Variants in MPPED2 observed in about 807,000 individuals in gnomAD.
MPPED2 encodes the protein metallophosphoesterase domain containing 2.
A neutral mutation model predicts 33.0 loss-of-function variants in MPPED2; 5 were observed. The ratio of observed to expected loss-of-function variants is 0.15; its 90% CI spans 0.08 to 0.32. The LOEUF (loss-of-function observed/expected upper bound fraction) is 0.32, where lower values mean the gene tolerates loss of function less well. MPPED2 is among the 10% of genes least tolerant of loss of function. The probability of loss-of-function intolerance (pLI) is 1.00; values close to 1 mark genes in which losing one functional copy is unlikely to be tolerated. For synonymous variants in MPPED2, 136 were observed against 141.9 expected (o/e 0.96, Z 0.29); for missense variants, 275 against 372.1 (o/e 0.74, Z 2.15).
At chr11:30,543,597 C>A (rs490445) in intron 2 of MPPED2, among the ~76,000 whole-genome samples, 1 of 151,880 alleles carries the variant, frequency 6.6e-6, no homozygotes, top group African/African-American at 2.4e-5. Flanking sequence ...ATGCCATCCA[C>A]ATCCATCCAC....
intron 2 of MPPED2, among the ~76,000 whole-genome samples, chr11:30,577,186 A>T (rs938338072): frequency 1.1e-4 from 16 of 152,220 alleles, no homozygotes; most frequent in African/African-American, 3.9e-4. Context: ...ACAGATGAGT[A>T]AACTGAGACT....
chr11:30,546,143 T>C (rs1342762144), intron 2 of MPPED2, among the ~76,000 whole-genome samples: 2 of 152,170 alleles, frequency 1.3e-5, no homozygotes, highest in Non-Finnish European at 2.9e-5. Context: ...AAAAAGTAAG[T>C]TTATCAATTC....
In MPPED2 at chr11:30,550,153, G is replaced by A. The variant is rs540125320; in HGVS notation, c.129-13978C>T. ...AAATTTGATTAGCACTGGGGCTGGC[G>A]CTGTTCCGTGGAGGCAATGTGATTC... On this transcript the variant is annotated intron_variant, in intron 2 of 6. Coordinates refer to ENST00000358117, the MANE Select transcript of MPPED2 (RefSeq NM_001584.3). Among the ~76,000 whole-genome samples, 20 of 152,282 alleles carry A rather than the reference G, an allele frequency of 1.3e-4. No homozygotes were observed. In the South Asian group the frequency reaches 1.7e-3, roughly 13 times the overall value.
At chr11:30,413,573 GGACCA>G (rs1160693280) in intron 6 of MPPED2, among the ~76,000 whole-genome samples, 6 of 152,296 alleles carry the variant, frequency 3.9e-5, no homozygotes, top group African/African-American at 1.4e-4. Flanking sequence ...AATGGCAACT[GGACCA>G]GTTCCTATTT....
chr11:30,388,530 AGGC>A, exon 7 of MPPED2: 1 of 165,580 alleles, frequency 6.0e-6, no homozygotes, highest in Non-Finnish European at 1.3e-5. Context: ...GGGGATGCCG[AGGC>A]TTAGAGAAGG....
chr11:30,532,702 T>A (rs1954594652), intron 3 of MPPED2, among the ~76,000 whole-genome samples: 1 of 152,234 alleles, frequency 6.6e-6, no homozygotes, highest in South Asian at 2.1e-4. Context: ...TCTTCCCAGT[T>A]GCTCATAATC....
chr11:30,518,901 A>G (rs1590684133), intron 3 of MPPED2, among the ~76,000 whole-genome samples: 1 of 152,244 alleles, frequency 6.6e-6, no homozygotes, highest in Admixed American at 6.5e-5. Context: ...GTTTCTATCT[A>G]TTTTTATAGG....
At chr11:30,389,621 A>G (rs1947746081) in intron 6 of MPPED2, among the ~76,000 whole-genome samples, 1 of 152,216 alleles carries the variant, frequency 6.6e-6, no homozygotes, top group African/African-American at 2.4e-5. Context: ...ATAATCCTGA[A>G]TGGCTTCATT....
At chr11:30,554,633 T>C (rs1200200380) in intron 2 of MPPED2, among the ~76,000 whole-genome samples, 1 of 152,000 alleles carries the variant, frequency 6.6e-6, no homozygotes, top group Non-Finnish European at 1.5e-5. Context: ...TAGCTGGGAT[T>C]ACAGGGGCCT....
intron 4 of MPPED2, among the ~76,000 whole-genome samples, chr11:30,422,872 C>T (rs959979003): frequency 7.9e-5 from 12 of 152,080 alleles, no homozygotes; most frequent in African/African-American, 2.7e-4. Flanking sequence ...CTGCCTGAAG[C>T]CACTGGACCA....
At chr11:30,534,810 G>A (rs763196160) in intron 3 of MPPED2, among the ~76,000 whole-genome samples, 4 of 152,058 alleles carry the variant, frequency 2.6e-5, no homozygotes, top group Non-Finnish European at 5.9e-5. Context: ...GCTACCAGAG[G>A]AAAAATTGTT....
At chr11:30,426,805 C>A (rs1948858278) in intron 4 of MPPED2, among the ~76,000 whole-genome samples, 1 of 152,112 alleles carries the variant, frequency 6.6e-6, no homozygotes, top group Non-Finnish European at 1.5e-5. Context: ...GCAGACAGGC[C>A]CTGAGGCCAG....
At chr11:30,483,682 T>A (rs1951595773) in intron 4 of MPPED2, among the ~76,000 whole-genome samples, 1 of 152,224 alleles carries the variant, frequency 6.6e-6, no homozygotes, top group Non-Finnish European at 1.5e-5. Flanking sequence ...ATTTAAGAGT[T>A]GAACTTTTAA....
At chr11:30,549,107 T>C (rs972881499) in intron 2 of MPPED2, among the ~76,000 whole-genome samples, 2 of 152,204 alleles carry the variant, frequency 1.3e-5, no homozygotes, top group African/African-American at 2.4e-5. Flanking sequence ...GATCGAACTT[T>C]ATACAACATA....
intron 4 of MPPED2, among the ~76,000 whole-genome samples, chr11:30,473,603 T>C (rs938011927): frequency 6.6e-6 from 1 of 151,962 alleles, no homozygotes; most frequent in Non-Finnish European, 1.5e-5. Context: ...CTCCCTTGGG[T>C]GTGGATATGA....
At chr11:30,534,549 G>A (rs1397050031) in intron 3 of MPPED2, among the ~76,000 whole-genome samples, 7 of 152,026 alleles carry the variant, frequency 4.6e-5, no homozygotes, top group African/African-American at 1.7e-4. Context: ...TACTAAAACA[G>A]CACAAAATAT....
chr11:30,565,402 C>G (rs751606208), intron 2 of MPPED2, among the ~76,000 whole-genome samples: 3 of 152,160 alleles, frequency 2.0e-5, no homozygotes, highest in Non-Finnish European at 4.4e-5. Context: ...CTAAGGAGCA[C>G]TGACTCCTCA....
downstream of MPPED2, among the ~76,000 whole-genome samples, chr11:30,406,320 A>G (rs1269715996): frequency 3.3e-5 from 5 of 152,174 alleles, no homozygotes; most frequent in African/African-American, 1.2e-4. Flanking sequence ...AAGCTGAAAA[A>G]TCAGTTCATG....
chr11:30,534,074 G>C (rs930020000), intron 3 of MPPED2, among the ~76,000 whole-genome samples: 2 of 152,176 alleles, frequency 1.3e-5, no homozygotes, highest in South Asian at 2.1e-4. Flanking sequence ...AAGACAAGTA[G>C]TATTAATCCT....
Sources: allele counts gnomAD v4.1 joint callset (sites outside exome capture counted in the v4.1 genomes callset), GRCh38; gene constraint gnomAD v4.1.1; transcripts MANE v1.5; gene names NCBI Gene and HGNC (gene_info 2026-07-23, HGNC 2026-07-21).